The following IL1RAPL1 variants were observed in gnomAD, a reference collection of about 807,000 sequenced individuals.
The protein encoded by IL1RAPL1 is interleukin 1 receptor accessory protein like 1, also known as interleukin-1 receptor accessory protein-like 1.
A neutral mutation model predicts 48.4 loss-of-function variants in IL1RAPL1; 3 were observed. The ratio of observed to expected loss-of-function variants is 0.06; its 90% CI spans 0.03 to 0.16. The LOEUF is 0.16. Among genes scored for constraint, IL1RAPL1 ranks in the 10% least tolerant of loss-of-function variants. The pLI is 1.00. For missense variants in IL1RAPL1, 349 were observed against 530.6 expected, an observed-to-expected ratio of 0.66 and a Z score of 3.36; for synonymous variants, 185 against 187.7, an observed-to-expected ratio of 0.99 and a Z score of 0.12.
intron 1 of IL1RAPL1, among the ~76,000 whole-genome samples, chrX:28,632,915 G>A (rs933552087): frequency 3.6e-5 from 3 of 83,918 alleles, no homozygotes; most frequent in African/African-American, 1.4e-4. Context: ...TTTTGACGGA[G>A]TCTCACTCTG....
At position 29,557,780 on chromosome X, in the gene IL1RAPL1, A is replaced by G. The variant is rs1322244831; in HGVS notation, c.704-110650A>G. Among the ~76,000 whole-genome samples, 3 of 110,438 alleles carry G rather than the reference A, an allele frequency of 2.7e-5. No homozygotes were observed. The Admixed American group carries it at 2.9e-4, about 11-fold the overall frequency. ...GAGATTATGCAGTGTTTGTTTTTCT[A>G]TGTTTGGCTTATTTTACTTAGCATA... On this transcript the variant is annotated intron_variant, in intron 5 of 10. Transcript: ENST00000378993.
chrX:29,302,448 T>C (rs1481925107), intron 3 of IL1RAPL1, among the ~76,000 whole-genome samples: 1 of 111,916 alleles, frequency 8.9e-6, no homozygotes, highest in Non-Finnish European at 1.9e-5. Context: ...AAGTAAAACT[T>C]ACCTGGATGA....
chrX:28,727,869 A>G (rs774297660), intron 1 of IL1RAPL1, among the ~76,000 whole-genome samples: 60 of 108,474 alleles, frequency 5.5e-4, no homozygotes, highest in Middle Eastern at 4.7e-3. Flanking sequence ...GAATTGAACA[A>G]TGAGATCACA....
intron 1 of IL1RAPL1, among the ~76,000 whole-genome samples, chrX:28,780,579 A>C (rs1222217433): frequency 1.8e-5 from 2 of 110,423 alleles, no homozygotes; most frequent in African/African-American, 6.6e-5. Context: ...TAAATCATTC[A>C]GATTCTGGAA....
chrX:28,874,520 T>G (rs1201685596), intron 2 of IL1RAPL1, among the ~76,000 whole-genome samples: 1 of 112,338 alleles, frequency 8.9e-6, no homozygotes, highest in South Asian at 3.8e-4. Context: ...GAGACAATGA[T>G]ACACACTAGG....
chrX:28,598,097 A>C (rs778520752), intron 1 of IL1RAPL1, among the ~76,000 whole-genome samples: 2 of 112,631 alleles, frequency 1.8e-5, no homozygotes, highest in South Asian at 7.3e-4. Context: ...CAAGGTGGAA[A>C]TATAGATTTC....
chrX:29,045,950 C>CTCCTCCTCCTCCTTCTTCTCCTCCTTCT (rs1926956305), intron 2 of IL1RAPL1, among the ~76,000 whole-genome samples: 1 of 72,244 alleles, frequency 1.4e-5, no homozygotes, highest in African/African-American at 6.0e-5. Context: ...CTTCCTCCTC[C>CTCCTCCTCCTCCTTCTTCTCCTCCTTCT]TCCTCCTCCT....
intron 2 of IL1RAPL1, among the ~76,000 whole-genome samples, chrX:28,912,391 G>A (rs1923383529): frequency 9.0e-6 from 1 of 110,883 alleles, no homozygotes; most frequent in Non-Finnish European, 1.9e-5. Context: ...AAGTCAAACA[G>A]TTAGGATGTG....
At chrX:29,764,382 G>C (rs1263972652) in intron 6 of IL1RAPL1, among the ~76,000 whole-genome samples, 1 of 112,008 alleles carries the variant, frequency 8.9e-6, no homozygotes, top group Non-Finnish European at 1.9e-5. Flanking sequence ...AGTTTTAAGG[G>C]AGGGCCTTTA....
chrX:29,078,984 C>T (rs888295100), intron 2 of IL1RAPL1, among the ~76,000 whole-genome samples: 1 of 111,890 alleles, frequency 8.9e-6, no homozygotes, highest in African/African-American at 3.2e-5. Flanking sequence ...AGAAAGACAT[C>T]AGAATTTAAG....
chrX:29,756,366 T>C (rs1183073433), intron 6 of IL1RAPL1, among the ~76,000 whole-genome samples: 1 of 112,006 alleles, frequency 8.9e-6, no homozygotes, highest in African/African-American at 3.2e-5. Flanking sequence ...ATTTTTTTAT[T>C]TTGCAGATTA....
chrX:29,466,184 G>A, intron 5 of IL1RAPL1, among the ~76,000 whole-genome samples: 1 of 111,813 alleles, frequency 8.9e-6, no homozygotes, highest in East Asian at 2.8e-4. Flanking sequence ...TATAATTTAG[G>A]CAAGAGACAG....
At chrX:29,052,101 T>A (rs965544498) in intron 2 of IL1RAPL1, among the ~76,000 whole-genome samples, 1 of 112,056 alleles carries the variant, frequency 8.9e-6, no homozygotes, top group African/African-American at 3.2e-5. Context: ...CTCTATTAAA[T>A]TTTTCACACA....
intron 5 of IL1RAPL1, among the ~76,000 whole-genome samples, chrX:29,568,075 G>A (rs180833241): frequency 3.7e-5 from 4 of 108,493 alleles, no homozygotes; most frequent in African/African-American, 1.3e-4. Context: ...ATTTTATGTT[G>A]AACTAGTAGC....
intron 1 of IL1RAPL1, among the ~76,000 whole-genome samples, chrX:28,765,108 A>G (rs1358341622): frequency 2.0e-5 from 2 of 100,663 alleles, no homozygotes; most frequent in African/African-American, 7.3e-5. Context: ...AACAATGACA[A>G]CACTTGGACA....
chrX:29,879,866 A>G (rs1240643392), intron 6 of IL1RAPL1, among the ~76,000 whole-genome samples: 1 of 110,858 alleles, frequency 9.0e-6, no homozygotes, highest in Non-Finnish European at 1.9e-5. Context: ...GAAAACAGAG[A>G]TGACAAGTTC....
intron 1 of IL1RAPL1, among the ~76,000 whole-genome samples, chrX:28,617,453 A>T (rs1331269505): frequency 8.9e-6 from 1 of 112,184 alleles, no homozygotes; most frequent in Non-Finnish European, 1.9e-5. Flanking sequence ...ATATGGCCTT[A>T]TCTTTAAAAT....
rs1555924328 is a variant in IL1RAPL1 at position 28,792,816 on chromosome X, A to AATATATATATAT, written c.82+3415_82+3426dup. Among the ~76,000 whole-genome samples the AATATATATATAT allele has an allele frequency of 5.4e-3, 55 of 10,099 alleles. 1 individual carries two copies. The highest frequency in any genetic ancestry group is 8.1e-3 in the Non-Finnish European group (46 of 5,697). 8.8% of individuals were successfully genotyped at this position (10,099 alleles called of 115,157 possible). ...AAAAAAAAAAAAAAAAAAAAAAAAAAATATATATATATATATATATATATA... is the reference window on the plus strand; with the variant it reads ...AAAAAAAAAAAAAAAAAAAAAAAAAAATATATATATATATATATATATATATATATATATATA... On this transcript the variant is annotated intron_variant, in intron 2 of 10. Coordinates refer to ENST00000378993, the MANE Select transcript of IL1RAPL1 (RefSeq NM_014271.4).
intron 5 of IL1RAPL1, among the ~76,000 whole-genome samples, chrX:29,544,479 A>G (rs958744599): frequency 4.1e-4 from 46 of 111,734 alleles, no homozygotes; most frequent in Non-Finnish European, 7.5e-4. Context: ...ATGGAGCAGT[A>G]AGAGTTTTTG....
Sources: gnomAD v4.1 joint callset for allele counts (sites outside exome capture counted in the v4.1 genomes callset) on GRCh38, gnomAD v4.1.1 for gene constraint, MANE v1.5 for transcripts, NCBI Gene and HGNC (gene_info 2026-07-23, HGNC 2026-07-21) for gene names.